MDGA2: variants seen among roughly 807,000 people sequenced by gnomAD.
The protein encoded by MDGA2 is MAM domain containing glycosylphosphatidylinositol anchor 2.
A neutral mutation model predicts 117.8 loss-of-function variants in MDGA2; 40 were observed. That is an observed-to-expected ratio of 0.34 (90% CI 0.26 to 0.44). The LOEUF (loss-of-function observed/expected upper bound fraction) is 0.44. Among genes scored for constraint, MDGA2 ranks in the 20% least tolerant of loss-of-function variants. MDGA2 has a pLI of 1.00. For synonymous variants in MDGA2, 452 were observed against 439.0 expected (o/e 1.03, Z -0.37); for missense variants, 1,123 against 1,250.6 (o/e 0.90, Z 1.54).
chr14:47,117,703 A>G (rs1258376109), intron 5 of MDGA2, among the ~76,000 whole-genome samples: 1 of 152,160 alleles, frequency 6.6e-6, no homozygotes, highest in Non-Finnish European at 1.5e-5. Flanking sequence ...AGTCAAATTC[A>G]TAGAATCATA....
At chr14:47,251,655 A>T (rs72680257) in intron 2 of MDGA2, among the ~76,000 whole-genome samples, 9,985 of 152,198 alleles carry the variant, frequency 0.066, 365 homozygotes, top group Non-Finnish European at 0.076. Flanking sequence ...GCTGTTTCAC[A>T]AAAAGCACAC....
intron 1 of MDGA2, among the ~76,000 whole-genome samples, chr14:47,318,872 C>T (rs971580166): frequency 2.0e-5 from 3 of 151,904 alleles, no homozygotes; most frequent in African/African-American, 7.2e-5. Context: ...TGTGCAAACA[C>T]TAACTCTAAT....
intron 8 of MDGA2, among the ~76,000 whole-genome samples, chr14:46,963,803 A>C (rs889953910): frequency 6.6e-6 from 1 of 152,206 alleles, no homozygotes; most frequent in East Asian, 1.9e-4. Context: ...AAATTCTCCA[A>C]TCATTGTTGC....
chr14:47,167,996 T>C (rs114708455), intron 3 of MDGA2, among the ~76,000 whole-genome samples: 172 of 152,292 alleles, frequency 1.1e-3, no homozygotes, highest in African/African-American at 3.7e-3. Context: ...ATAGACACAT[T>C]GTTTATGGAT....
intron 8 of MDGA2, among the ~76,000 whole-genome samples, chr14:47,030,524 A>T (rs1888625246): frequency 6.6e-6 from 1 of 152,150 alleles, no homozygotes. Flanking sequence ...CAGAAAAAAA[A>T]AGAGAAAAAA....
rs566345519 is a variant in MDGA2 at position 47,506,392 on chromosome 14, C to T, written c.280+168125G>A. ...TCACACCCAGATATGGCCACATGAA[C>T]GACTTCTTGTCATGGTACACAAATG... On this transcript the variant is annotated intron_variant, in intron 1 of 16. Transcript: ENST00000399232. 9.8e-5 allele frequency among the ~76,000 whole-genome samples: 15 copies of T among 152,314 alleles called. No individual in the cohort carries two copies. In the South Asian group the frequency reaches 1.4e-3, roughly 15 times the overall value.
In MDGA2 at chr14:46,884,856, G is replaced by C. The variant is rs8008361; in HGVS notation, c.2239-2635C>G. On this transcript the variant is annotated intron_variant, in intron 10 of 16. Transcript: ENST00000399232. The surrounding 1 kb of genome is among the most constrained non-coding windows in gnomAD (Gnocchi z 4.1). ...CAGGTAATACATTACTTTCTTTTTTGTTTTTTTTCTGAGACAGTCTCGCTC... is the reference window on the plus strand; with the variant it reads ...CAGGTAATACATTACTTTCTTTTTTCTTTTTTTTCTGAGACAGTCTCGCTC... Among the ~76,000 whole-genome samples the C allele has an allele frequency of 8.2e-6, 1 of 122,488 alleles. No individual in the cohort carries two copies. Among genetic ancestry groups the C allele is most frequent in the Non-Finnish European group, 2.0e-5 (1 of 49,824 alleles). The allele number at this position is 122,488 out of a possible 152,430, so 80.4% of individuals were successfully genotyped here.
chr14:46,882,369 T>C (rs890099454), intron 10 of MDGA2, 148 bp from the exon 11 acceptor site: 2 of 644,598 alleles, frequency 3.1e-6, no homozygotes, highest in Admixed American at 3.5e-5. Flanking sequence ...TCTATAATGA[T>C]AAACAAATTT....
At chr14:47,552,493 C>T (rs575712391) in intron 1 of MDGA2, among the ~76,000 whole-genome samples, 1 of 152,298 alleles carries the variant, frequency 6.6e-6, no homozygotes, top group African/African-American at 2.4e-5. Context: ...TCTTATACTA[C>T]AGTATCCAAT....
At chr14:47,324,853 A>AG (rs1468025924) in intron 1 of MDGA2, among the ~76,000 whole-genome samples, 13 of 151,998 alleles carry the variant, frequency 8.6e-5, no homozygotes, top group South Asian at 2.1e-4. Context: ...AGAGAGAGAG[A>AG]AAGAGAGAGA....
chr14:47,253,334 T>C (rs1057281676), intron 2 of MDGA2, among the ~76,000 whole-genome samples: 32 of 152,294 alleles, frequency 2.1e-4, no homozygotes, highest in African/African-American at 7.5e-4. Flanking sequence ...CCTATTAGCC[T>C]GTAAAATCAA....
At chr14:47,554,099 C>G (rs1378609669) in intron 1 of MDGA2, among the ~76,000 whole-genome samples, 1 of 152,154 alleles carries the variant, frequency 6.6e-6, no homozygotes, top group Non-Finnish European at 1.5e-5. Context: ...ATTTGATTCT[C>G]TGGATGCCTA....
At chr14:47,181,642 A>G (rs1884709747) in intron 3 of MDGA2, among the ~76,000 whole-genome samples, 1 of 152,232 alleles carries the variant, frequency 6.6e-6, no homozygotes, top group Non-Finnish European at 1.5e-5. Flanking sequence ...AGATTCATAG[A>G]TGAAAGTTCA....
chr14:47,641,287 T>TC (rs1368560002), intron 1 of MDGA2, among the ~76,000 whole-genome samples: 2 of 151,782 alleles, frequency 1.3e-5, no homozygotes, highest in Non-Finnish European at 2.9e-5. Context: ...GGTTCCTTAG[T>TC]CAAGTATATG....
At chr14:47,285,090 T>A (rs1888627487) in intron 2 of MDGA2, among the ~76,000 whole-genome samples, 1 of 152,114 alleles carries the variant, frequency 6.6e-6, no homozygotes, top group Non-Finnish European at 1.5e-5. Context: ...CAAAGATATA[T>A]TAGAGAAGTT....
At position 47,102,386 on chromosome 14, in the gene MDGA2, C is replaced by A. The variant is rs111614729; in HGVS notation, c.926-5263G>T. ...GGAGAAACACACACACACACACACA[C>A]ACACACAAACACACACACACACACA... is the stretch of plus-strand genomic sequence containing the variant. On this transcript the variant is annotated intron_variant, in intron 5 of 16. Coordinates refer to ENST00000399232, the MANE Select transcript of MDGA2 (RefSeq NM_001113498.3). Among the ~76,000 whole-genome samples the A allele has an allele frequency of 1.5e-3, 214 of 146,838 alleles. 1 individual carries two copies. Among genetic ancestry groups the A allele is most frequent in the African/African-American group, 5.6e-3 (210 of 37,502 alleles).
At chr14:46,948,581 TGAG>T (rs1885257105) in intron 9 of MDGA2, among the ~76,000 whole-genome samples, 1 of 151,964 alleles carries the variant, frequency 6.6e-6, no homozygotes, top group Non-Finnish European at 1.5e-5. Context: ...GATGGAGATG[TGAG>T]GAGAGGAAGA....
chr14:47,635,912 A>G (rs567150910), intron 1 of MDGA2, among the ~76,000 whole-genome samples: 2 of 152,358 alleles, frequency 1.3e-5, no homozygotes, highest in African/African-American at 4.8e-5. Flanking sequence ...AAATAGACAC[A>G]TCTTATGTAA....
At chr14:47,423,042 G>A (rs1892611775) in intron 1 of MDGA2, among the ~76,000 whole-genome samples, 1 of 152,132 alleles carries the variant, frequency 6.6e-6, no homozygotes, top group African/African-American at 2.4e-5. Flanking sequence ...TTCTATGTAT[G>A]TGGAAGATAT....
Sources: gnomAD v4.1 joint callset for allele counts (sites outside exome capture counted in the v4.1 genomes callset) on GRCh38, gnomAD v4.1.1 for gene constraint, Gnocchi (gnomAD v3.1) non-coding constraint, MANE v1.5 for transcripts, NCBI Gene and HGNC (gene_info 2026-07-23, HGNC 2026-07-21) for gene names.